The following EYA2 variants were observed in gnomAD, a reference collection of about 807,000 sequenced individuals.
EYA2 encodes EYA transcriptional coactivator and phosphatase 2.
Under a neutral mutation model 69.2 loss-of-function variants are expected in EYA2, and 31 were observed. That is an observed-to-expected ratio of 0.45 (90% CI 0.34 to 0.60). The LOEUF is 0.60. EYA2 is among the 20% of genes least tolerant of loss of function. The probability of loss-of-function intolerance (pLI) is 0.02; values close to 1 mark genes in which losing one functional copy is unlikely to be tolerated. For missense variants in EYA2, 622 were observed against 701.2 expected (o/e 0.89, Z 1.28); for synonymous variants, 257 against 279.4 (o/e 0.92, Z 0.80).
chr20:47,012,732 G>T (rs1983147249), intron 4 of EYA2, among the ~76,000 whole-genome samples: 1 of 152,192 alleles, frequency 6.6e-6, no homozygotes, highest in Middle Eastern at 3.2e-3. Context: ...GACCTCAAGT[G>T]ATCCACCCAC....
At chr20:47,147,896 TA>T (rs554654453) in intron 10 of EYA2, among the ~76,000 whole-genome samples, 23 of 151,868 alleles carry the variant, frequency 1.5e-4, no homozygotes, top group African/African-American at 5.6e-4. Flanking sequence ...CCGTCTTTAC[TA>T]AAAATACAAA....
At chr20:47,087,679 G>A (rs3787257) in intron 7 of EYA2, among the ~76,000 whole-genome samples, 32,064 of 152,152 alleles carry the variant, frequency 0.21, 4,065 homozygotes, top group South Asian at 0.33. Flanking sequence ...CTAGACAATC[G>A]CCGGTGGGCA....
chr20:47,017,436 A>G (rs1340614174), intron 5 of EYA2, among the ~76,000 whole-genome samples: 1 of 152,214 alleles, frequency 6.6e-6, no homozygotes, highest in East Asian at 1.9e-4. Flanking sequence ...CAGCTTTGAT[A>G]GTATTTTTCT....
chr20:46,983,770 G>A (rs6018215), intron 1 of EYA2, among the ~76,000 whole-genome samples: 1 of 152,010 alleles, frequency 6.6e-6, no homozygotes, highest in African/African-American at 2.4e-5. Flanking sequence ...AGCCCCATAA[G>A]ACTGGAAAAC....
intron 7 of EYA2, among the ~76,000 whole-genome samples, chr20:47,075,936 T>C (rs1379103204): frequency 6.6e-6 from 1 of 152,212 alleles, no homozygotes; most frequent in Non-Finnish European, 1.5e-5. Flanking sequence ...CTCCCACTTA[T>C]AAGTAAGAAC....
At position 47,173,509 on chromosome 20, in the gene EYA2, T is replaced by TAAAAAAAA. The variant is rs767756028; in HGVS notation, c.1198+658_1198+665dup. 2.1e-3 allele frequency among the ~76,000 whole-genome samples: 172 copies of TAAAAAAAA among 83,632 alleles called. 20 individuals carry two copies. Among genetic ancestry groups the TAAAAAAAA allele is most frequent in the African/African-American group, 7.1e-3 (157 of 22,178 alleles). The allele number at this position is 83,632 out of a possible 152,430, so 54.9% of individuals were successfully genotyped here. A position where few individuals can be genotyped will look rare whatever the true frequency, so the allele number is the denominator to read the frequency against. ...GCCTGGGCAACAAAGTGAGACCCCG[T>TAAAAAAAA]AAAAAAAAAAAAAAAAAAAAAAACG... On this transcript the variant is annotated intron_variant, in intron 12 of 15. Coordinates refer to ENST00000327619, the MANE Select transcript of EYA2 (RefSeq NM_005244.5).
chr20:47,016,159 T>G (rs1600641618), intron 4 of EYA2, 22 bp from the exon 5 acceptor site: 1 of 1,578,930 alleles, frequency 6.3e-7, no homozygotes, highest in Admixed American at 1.7e-5. Flanking sequence ...TGGTCCTTTT[T>G]TTTCCCCCTC....
intron 9 of EYA2, among the ~76,000 whole-genome samples, chr20:47,135,126 C>CAAAAAAAA (rs11484435): frequency 8.0e-4 from 47 of 58,408 alleles, no homozygotes; most frequent in Non-Finnish European, 9.4e-4. Context: ...GACTCCATAT[C>CAAAAAAAA]AAAAAAAAAA....
chr20:47,047,283 G>A lies in EYA2; in HGVS notation c.416-24902G>A, dbSNP rs149443063. Among the ~76,000 whole-genome samples, 897 of 152,222 alleles carry A rather than the reference G, an allele frequency of 5.9e-3. 8 individuals carry two copies. The highest frequency in any genetic ancestry group is 0.02 in the African/African-American group (851 of 41,516). ...GATGATCTGAGACTCCTAGGCGAGG[G>A]GCAGCAAACACAAATGCCCACAGGA... is the stretch of plus-strand genomic sequence containing the variant. On this transcript the variant is annotated intron_variant, in intron 5 of 15. Coordinates refer to ENST00000327619, the MANE Select transcript of EYA2 (RefSeq NM_005244.5).
At chr20:47,016,645 A>G (rs1191852125) in intron 5 of EYA2, among the ~76,000 whole-genome samples, 7 of 152,204 alleles carry the variant, frequency 4.6e-5, no homozygotes, top group African/African-American at 1.7e-4. Context: ...CTTTGAAGAG[A>G]TGACATTGGG....
rs758733853 is a variant in EYA2, at chr20:47,172,879, G to A, written c.1198+12G>A. 9.4e-6 allele frequency: 15 copies of A among 1,601,434 alleles called. No individual in the cohort carries two copies. The Admixed American group carries it at 2.2e-4, about 24-fold the overall frequency. On this transcript the variant is annotated intron_variant, in intron 12 of 15. Coordinates refer to ENST00000327619, the MANE Select transcript of EYA2 (RefSeq NM_005244.5). Reference sequence around the variant, plus strand: ...GAACAACGTTGGTGGTGAGTACTGTGAGCCTTGGGCCTCCGAGGAAGGGAA... The same window carrying A: ...GAACAACGTTGGTGGTGAGTACTGTAAGCCTTGGGCCTCCGAGGAAGGGAA...
At chr20:47,111,262 A>C (rs1044806650) in intron 9 of EYA2, among the ~76,000 whole-genome samples, 1 of 152,246 alleles carries the variant, frequency 6.6e-6, no homozygotes, top group African/African-American at 2.4e-5. Context: ...AACAAAAGGC[A>C]TGAGAAGTGA....
intron 7 of EYA2, among the ~76,000 whole-genome samples, chr20:47,082,110 G>C (rs1348114069): frequency 6.6e-6 from 1 of 152,058 alleles, no homozygotes; most frequent in Non-Finnish European, 1.5e-5. Context: ...AAAGTGCTGG[G>C]ATTACAAGCG....
intron 5 of EYA2, among the ~76,000 whole-genome samples, chr20:47,050,112 T>C (rs1600669871): frequency 6.6e-6 from 1 of 152,146 alleles, no homozygotes; most frequent in African/African-American, 2.4e-5. Flanking sequence ...CATGCTCGAG[T>C]GCCTCGTAAG....
intron 11 of EYA2, among the ~76,000 whole-genome samples, chr20:47,170,862 CTTCCAAGG>C (rs2034303962): frequency 6.6e-6 from 1 of 152,226 alleles, no homozygotes; most frequent in Non-Finnish European, 1.5e-5. Flanking sequence ...TTAGTAGCTG[CTTCCAAGG>C]TGTCTCTCCC....
chr20:47,172,668 C>T (rs1238165784), intron 11 of EYA2, 39 bp from the exon 12 acceptor site: 1 of 1,566,840 alleles, frequency 6.4e-7, no homozygotes, highest in Non-Finnish European at 8.7e-7. Context: ...CCCTGCACCC[C>T]CCTGCACTAA....
intron 4 of EYA2, among the ~76,000 whole-genome samples, chr20:47,006,838 C>A (rs555936415): frequency 1.3e-5 from 2 of 152,236 alleles, no homozygotes; most frequent in Non-Finnish European, 2.9e-5. Context: ...CCACAGTCCT[C>A]ACCCAGCCCA....
intron 9 of EYA2, among the ~76,000 whole-genome samples, chr20:47,135,277 G>A (rs562337979): frequency 4.1e-4 from 62 of 151,494 alleles, no homozygotes; most frequent in African/African-American, 1.2e-3. Flanking sequence ...TTACAAAAAC[G>A]TATTTAATCT....
intron 10 of EYA2, among the ~76,000 whole-genome samples, chr20:47,164,040 G>A (rs1879884323): frequency 6.6e-6 from 1 of 152,138 alleles, no homozygotes; most frequent in South Asian, 2.1e-4. Flanking sequence ...CTTTGACCCG[G>A]AAGAGACCAG....
Sources: allele counts gnomAD v4.1 joint callset (sites outside exome capture counted in the v4.1 genomes callset), GRCh38; gene constraint gnomAD v4.1.1; transcripts MANE v1.5; gene names NCBI Gene and HGNC (gene_info 2026-07-23, HGNC 2026-07-21).